Variants in SLC16A7 observed in about 807,000 individuals in gnomAD.
SLC16A7 encodes the protein solute carrier family 16 member 7, also known as monocarboxylate transporter 2.
SLC16A7 carries 33 observed loss-of-function variants against 34.9 expected under a neutral mutation model. That is an observed-to-expected ratio of 0.94 (90% CI 0.72 to 1.26). The LOEUF (loss-of-function observed/expected upper bound fraction) is 1.26, where lower values mean the gene tolerates loss of function less well. SLC16A7 is among the 50% of genes most tolerant of loss of function. The pLI, the probability that SLC16A7 is intolerant of heterozygous loss-of-function variation, is 0.00. For synonymous variants in SLC16A7, 201 were observed against 206.6 expected (o/e 0.97, Z 0.23); for missense variants, 573 against 578.1 (o/e 0.99, Z 0.09).
At chr12:59,602,705 G>A (rs1011901074) in intron 1 of SLC16A7, among the ~76,000 whole-genome samples, 2 of 151,770 alleles carry the variant, frequency 1.3e-5, no homozygotes, top group Non-Finnish European at 2.9e-5. Context: ...GGCTGGTCTC[G>A]AACTCCTGAC....
chr12:59,719,701 T>G (rs759245631), intron 3 of SLC16A7: 10 of 178,016 alleles, frequency 5.6e-5, no homozygotes, highest in Non-Finnish European at 1.2e-4. Flanking sequence ...AGCCTTTTAT[T>G]TTTGTGATCT....
intron 1 of SLC16A7, among the ~76,000 whole-genome samples, chr12:59,618,216 C>T (rs894360754): frequency 2.0e-5 from 3 of 151,918 alleles, no homozygotes; most frequent in South Asian, 2.1e-4. Flanking sequence ...ATCAGCTACA[C>T]AACTCAGCAT....
chr12:59,736,047 A>T, intron 3 of SLC16A7: 1 of 387,980 alleles, frequency 2.6e-6, no homozygotes, highest in Non-Finnish European at 4.5e-6. Context: ...GAACTCAGGG[A>T]TATAGTTGGT....
intron 1 of SLC16A7, among the ~76,000 whole-genome samples, chr12:59,601,646 C>G (rs1413337074): frequency 6.6e-6 from 1 of 152,136 alleles, no homozygotes; most frequent in Non-Finnish European, 1.5e-5. Flanking sequence ...AAACTATAGA[C>G]AGATTAGGTA....
chr12:59,630,323 G>A (rs1206659579), intron 1 of SLC16A7, among the ~76,000 whole-genome samples: 1 of 151,828 alleles, frequency 6.6e-6, no homozygotes, highest in Non-Finnish European at 1.5e-5. Flanking sequence ...GGGACAAAAT[G>A]TAATCCAGTA....
At chr12:59,670,712 T>G (rs1327694614) in intron 2 of SLC16A7, among the ~76,000 whole-genome samples, 3 of 152,142 alleles carry the variant, frequency 2.0e-5, no homozygotes, top group African/African-American at 7.2e-5. Flanking sequence ...GTGTCACTGG[T>G]CTAAATTCAC....
At chr12:59,668,549 C>A (rs1025214664) in intron 2 of SLC16A7, among the ~76,000 whole-genome samples, 23 of 152,012 alleles carry the variant, frequency 1.5e-4, no homozygotes, top group African/African-American at 5.6e-4. Flanking sequence ...ATTTCTGCAC[C>A]CCAGTTGTAT....
At chr12:59,656,251 C>T (rs1162001665) in intron 2 of SLC16A7, among the ~76,000 whole-genome samples, 1 of 151,912 alleles carries the variant, frequency 6.6e-6, no homozygotes, top group Non-Finnish European at 1.5e-5. Flanking sequence ...TAATCTCTGC[C>T]ACTTCTGAAT....
chr12:59,717,264 G>C (rs1418029675), intron 3 of SLC16A7, among the ~76,000 whole-genome samples: 1 of 152,142 alleles, frequency 6.6e-6, no homozygotes, highest in Non-Finnish European at 1.5e-5. Context: ...AATATGCAAA[G>C]GGTTGAATTT....
chr12:59,767,512 A>C (rs954106548), intron 3 of SLC16A7, among the ~76,000 whole-genome samples: 8 of 152,062 alleles, frequency 5.3e-5, no homozygotes, highest in African/African-American at 1.9e-4. Flanking sequence ...CTCATTTACT[A>C]TTCTGCAAAA....
chr12:59,647,496 C>T (rs1366753584), intron 1 of SLC16A7, among the ~76,000 whole-genome samples: 2 of 152,168 alleles, frequency 1.3e-5, no homozygotes, highest in African/African-American at 4.8e-5. Flanking sequence ...GTCAATTAAA[C>T]CTCTTTCCTT....
chr12:59,687,059 T>G (rs1871217802), intron 2 of SLC16A7, among the ~76,000 whole-genome samples: 1 of 152,016 alleles, frequency 6.6e-6, no homozygotes, highest in African/African-American at 2.4e-5. Context: ...TAATTTTTAC[T>G]TGTTAATTTA....
At chr12:59,771,778 C>A (rs1035906124) in intron 4 of SLC16A7, among the ~76,000 whole-genome samples, 1 of 152,088 alleles carries the variant, frequency 6.6e-6, no homozygotes, top group Non-Finnish European at 1.5e-5. Flanking sequence ...TATGTTAAAA[C>A]GATGCCAGAG....
rs549150566 is a variant in SLC16A7 at position 59,779,973 on chromosome 12, G to T, written c.*294G>T. 203 of 246,084 alleles carry T rather than the reference G, an allele frequency of 8.2e-4. 1 individual carries two copies. The highest frequency in any genetic ancestry group is 6.0e-3 in the Middle Eastern group (4 of 664). The allele number at this position is 246,084 out of a possible 1,614,324, so 15.2% of individuals were successfully genotyped here. A position where few individuals can be genotyped will look rare whatever the true frequency, so the allele number is the denominator to read the frequency against. The stretch of plus-strand genomic sequence containing the variant: ...ATTTTAAAGTCTTCCAGTGACTTTC[G>T]GTCTTGGTTATATGGAGAATTCTGA... On this transcript the variant is annotated 3_prime_UTR_variant, in exon 6 of 6. Transcript: ENST00000547379.
rs139004948 is a variant in SLC16A7 at position 59,722,088 on chromosome 12, T to A, written c.217+17070T>A. 3.2e-3 allele frequency among the ~76,000 whole-genome samples: 489 copies of A among 151,990 alleles called. 1 individual carries two copies. Among genetic ancestry groups the A allele is most frequent in the African/African-American group, 0.011 (471 of 41,516 alleles). On this transcript the variant is annotated intron_variant, in intron 3 of 5. Coordinates refer to ENST00000547379, the MANE Select transcript of SLC16A7 (RefSeq NM_001270623.2). Reference sequence around the variant, plus strand: ...TTCAACTTCTCCTGAACTCTAGACCTATATATAAACCCTCTTTTCAGTATT... The same window carrying A: ...TTCAACTTCTCCTGAACTCTAGACCAATATATAAACCCTCTTTTCAGTATT...
chr12:59,648,074 C>T (rs905950934), intron 1 of SLC16A7, among the ~76,000 whole-genome samples: 2 of 151,914 alleles, frequency 1.3e-5, no homozygotes, highest in South Asian at 2.1e-4. Flanking sequence ...AGAACAACAA[C>T]AATAAGAAGC....
intron 3 of SLC16A7, among the ~76,000 whole-genome samples, chr12:59,747,207 A>G (rs1000616599): frequency 6.6e-6 from 1 of 152,206 alleles, no homozygotes; most frequent in Non-Finnish European, 1.5e-5. Context: ...ACATCTAATG[A>G]TATAGTTATA....
At chr12:59,696,896 A>C (rs1230436753) in intron 2 of SLC16A7, among the ~76,000 whole-genome samples, 1 of 152,020 alleles carries the variant, frequency 6.6e-6, no homozygotes, top group Non-Finnish European at 1.5e-5. Context: ...CATAGTTATC[A>C]TTCAAATCAA....
chr12:59,664,961 AC>A (rs1352162414), intron 2 of SLC16A7: 2 of 152,188 alleles, frequency 1.3e-5, no homozygotes, highest in African/African-American at 4.8e-5. Context: ...TAAAAATTAT[AC>A]AAATCGTATT....
Sources: gnomAD v4.1 joint callset for allele counts (sites outside exome capture counted in the v4.1 genomes callset) on GRCh38, gnomAD v4.1.1 for gene constraint, MANE v1.5 for transcripts, NCBI Gene and HGNC (gene_info 2026-07-23, HGNC 2026-07-21) for gene names.